Variants in FSTL5 observed in about 807,000 individuals in gnomAD.
FSTL5 encodes follistatin like 5, also known as follistatin-related protein 5.
In FSTL5, 62 loss-of-function variants were observed where a neutral mutation model predicts 89.1. The observed-to-expected ratio is 0.70, with a 90% CI of 0.57 to 0.86. The LOEUF (loss-of-function observed/expected upper bound fraction) is 0.86, where lower values mean the gene tolerates loss of function less well. FSTL5 is among the 40% of genes least tolerant of loss of function. The pLI is 0.00. For missense variants in FSTL5, 1,057 were observed against 1,001.6 expected (o/e 1.06, Z -0.75); for synonymous variants, 383 against 346.2 (o/e 1.11, Z -1.18).
intron 9 of FSTL5, among the ~76,000 whole-genome samples, chr4:161,539,902 CTT>C (rs11326261): frequency 0.3 from 37,923 of 127,364 alleles, 5,201 homozygotes; most frequent in Middle Eastern, 0.46. Flanking sequence ...AAAATCATAC[CTT>C]TTTTTTTTTT....
chr4:162,131,276 A>T (rs577990252), intron 1 of FSTL5, among the ~76,000 whole-genome samples: 2 of 152,228 alleles, frequency 1.3e-5, no homozygotes, highest in Admixed American at 1.3e-4. Flanking sequence ...TCATTGGAGG[A>T]TATCTTTTCA....
intron 3 of FSTL5, among the ~76,000 whole-genome samples, chr4:161,992,983 C>T (rs948334546): frequency 3.7e-5 from 5 of 136,960 alleles, no homozygotes; most frequent in Non-Finnish European, 6.2e-5. Context: ...TATATATATG[C>T]AAGTAGTGAC....
intron 8 of FSTL5, among the ~76,000 whole-genome samples, chr4:161,582,272 G>A (rs1733461384): frequency 6.6e-6 from 1 of 152,118 alleles, no homozygotes; most frequent in South Asian, 2.1e-4. Context: ...TTTAAATTCT[G>A]AAAGCCTGAT....
Position 161,459,203 on chromosome 4 carries a change from T to C in FSTL5, c.1716+9A>G. On this transcript the variant is annotated intron_variant, in intron 14 of 15. Transcript: ENST00000306100. ...TGTTATTTTCTCTAATATACTGAAA[T>C]GTACTTACCTGTAGTGTTGGTGATG... 7.0e-7 allele frequency: 1 copy of C among 1,423,802 alleles called. No homozygotes were observed. Among genetic ancestry groups the C allele is most frequent in the Non-Finnish European group, 9.9e-7 (1 of 1,007,392 alleles). The allele number at this position is 1,423,802 out of a possible 1,614,324, so 88.2% of individuals were successfully genotyped here.
Position 161,635,136 on chromosome 4 carries a change from C to T in FSTL5, c.894+21192G>A, listed in dbSNP as rs183957425. On this transcript the variant is annotated intron_variant, in intron 7 of 15. Coordinates refer to ENST00000306100, the MANE Select transcript of FSTL5 (RefSeq NM_020116.5). ...GGGCGCAGTGGCTCACCCCTGTAAT[C>T]CCAGCAATTTGGGAGGCCGAGGCAG... Among the ~76,000 whole-genome samples, 566 of 152,222 alleles carry T rather than the reference C, an allele frequency of 3.7e-3. 4 individuals carry two copies. The highest frequency in any genetic ancestry group is 6.9e-3 in the Non-Finnish European group (471 of 68,012).
chr4:161,852,866 GGAAGAATAGCTAATGGATAC>G (rs1277182698), intron 4 of FSTL5, among the ~76,000 whole-genome samples: 5 of 152,116 alleles, frequency 3.3e-5, no homozygotes, highest in Admixed American at 6.5e-5. Flanking sequence ...GAGAGCATCA[GGAAGAATAGCTAATGGATAC>G]CAGGCTTAAT....
rs979302271 is a variant in FSTL5, at chr4:161,948,639, G to A, written c.161-27987C>T. Among the ~76,000 whole-genome samples the A allele has an allele frequency of 3.5e-4, 53 of 151,676 alleles. 1 individual carries two copies. Among genetic ancestry groups the A allele is most frequent in the African/African-American group, 1.2e-3 (51 of 41,360 alleles). On this transcript the variant is annotated intron_variant, in intron 3 of 15. Coordinates refer to ENST00000306100, the MANE Select transcript of FSTL5 (RefSeq NM_020116.5). ...ATTTTTCTATTATTAGTAGAGATGG[G>A]GTTTCACCATGTTGTCCAGGCTGGT... is the stretch of plus-strand genomic sequence containing the variant.
intron 5 of FSTL5, among the ~76,000 whole-genome samples, chr4:161,762,913 A>C (rs1187584067): frequency 6.6e-6 from 1 of 152,164 alleles, no homozygotes; most frequent in African/African-American, 2.4e-5. Context: ...GGATGGCATC[A>C]GGGGAGTTCA....
At chr4:161,975,713 C>G (rs1735617241) in intron 3 of FSTL5, among the ~76,000 whole-genome samples, 1 of 149,472 alleles carries the variant, frequency 6.7e-6, no homozygotes, top group Admixed American at 6.7e-5. Flanking sequence ...TGTAACTAAC[C>G]TGCACAATGT....
chr4:161,998,569 C>G (rs534246646), intron 3 of FSTL5, among the ~76,000 whole-genome samples: 1 of 152,222 alleles, frequency 6.6e-6, no homozygotes, highest in South Asian at 2.1e-4. Context: ...CAATATTCAT[C>G]ACTCCTATTC....
intron 6 of FSTL5, among the ~76,000 whole-genome samples, chr4:161,750,878 ATGAT>A (rs1740369609): frequency 1.3e-5 from 2 of 152,288 alleles, no homozygotes; most frequent in South Asian, 4.1e-4. Flanking sequence ...GAAAATAAGA[ATGAT>A]TGGTCAATTC....
chr4:162,118,434 G>A (rs1731732791), intron 1 of FSTL5, among the ~76,000 whole-genome samples: 1 of 152,048 alleles, frequency 6.6e-6, no homozygotes, highest in Non-Finnish European at 1.5e-5. Flanking sequence ...CTAATTTTTT[G>A]TATTTTTTAG....
chr4:161,955,841 T>C (rs1735013448), intron 3 of FSTL5, among the ~76,000 whole-genome samples: 1 of 151,842 alleles, frequency 6.6e-6, no homozygotes, highest in African/African-American at 2.4e-5. Flanking sequence ...ATTAGACGTT[T>C]TAACCAATAA....
chr4:161,452,313 TA>T (rs1377961837), intron 15 of FSTL5, among the ~76,000 whole-genome samples: 57 of 152,046 alleles, frequency 3.7e-4, no homozygotes, highest in Non-Finnish European at 6.9e-4. Context: ...CCGTCTCTAC[TA>T]AAAATACAAA....
intron 7 of FSTL5, among the ~76,000 whole-genome samples, chr4:161,650,843 T>C (rs1736315221): frequency 6.6e-6 from 1 of 152,152 alleles, no homozygotes; most frequent in African/African-American, 2.4e-5. Context: ...CTCTAGATAC[T>C]ACAAATATAA....
intron 3 of FSTL5, among the ~76,000 whole-genome samples, chr4:161,973,191 G>C (rs756830353): frequency 1.4e-4 from 22 of 151,864 alleles, no homozygotes; most frequent in Non-Finnish European, 4.4e-5. Flanking sequence ...TCTGTATTAC[G>C]TAGTGAAAGG....
chr4:161,719,130 A>G (rs1739104244), intron 6 of FSTL5, among the ~76,000 whole-genome samples: 1 of 152,220 alleles, frequency 6.6e-6, no homozygotes, highest in Non-Finnish European at 1.5e-5. Flanking sequence ...ACATAAATGC[A>G]TGAGATAAGA....
intron 2 of FSTL5, among the ~76,000 whole-genome samples, chr4:162,086,121 G>GT (rs1358762443): frequency 6.6e-6 from 1 of 151,842 alleles, no homozygotes; most frequent in Non-Finnish European, 1.5e-5. Flanking sequence ...TATTTAATGT[G>GT]TTTTTTAATC....
chr4:162,116,312 C>T (rs960835740), intron 1 of FSTL5, among the ~76,000 whole-genome samples: 1 of 152,182 alleles, frequency 6.6e-6, no homozygotes, highest in African/African-American at 2.4e-5. Flanking sequence ...GCTGAAGTAA[C>T]GTGTGCCAAG....
Sources: gnomAD v4.1 joint callset for allele counts (sites outside exome capture counted in the v4.1 genomes callset) on GRCh38, gnomAD v4.1.1 for gene constraint, MANE v1.5 for transcripts, NCBI Gene and HGNC (gene_info 2026-07-23, HGNC 2026-07-21) for gene names.